STARD3: variants seen among roughly 807,000 people sequenced by gnomAD.
STARD3 encodes the protein stAR-related lipid transfer protein 3.
STARD3 carries 39 observed loss-of-function variants against 62.0 expected under a neutral mutation model. That is an observed-to-expected ratio of 0.63 (90% CI 0.49 to 0.82). The LOEUF (loss-of-function observed/expected upper bound fraction) is 0.82, where lower values mean the gene tolerates loss of function less well. Ranked by LOEUF, STARD3 falls within the 40% of genes least tolerant of loss-of-function variation. STARD3 has a pLI of 0.00. For missense variants in STARD3, 543 were observed against 584.5 expected (o/e 0.93, Z 0.73); for synonymous variants, 229 against 242.4 (o/e 0.94, Z 0.51).
chr17:39,647,995 G>C (rs1198435046), intron 1 of STARD3, among the ~76,000 whole-genome samples: 2 of 151,954 alleles, frequency 1.3e-5, no homozygotes, highest in Non-Finnish European at 2.9e-5. Flanking sequence ...TTAAAAATTA[G>C]CTGAGCATGG....
At chr17:39,648,856 G>A (rs974590245) in intron 1 of STARD3, among the ~76,000 whole-genome samples, 1 of 152,192 alleles carries the variant, frequency 6.6e-6, no homozygotes, top group South Asian at 2.1e-4. Context: ...TGTCAGTGTG[G>A]TTGCCACTCC....
chr17:39,654,069 G>A (rs1056187042), intron 2 of STARD3, among the ~76,000 whole-genome samples: 1 of 152,216 alleles, frequency 6.6e-6, no homozygotes, highest in African/African-American at 2.4e-5. Context: ...GAGAGGAGGA[G>A]GGGGAGACCC....
chr17:39,663,711 G>A lies in STARD3; in HGVS notation c.*803G>A, dbSNP rs1233325798. Among the ~76,000 whole-genome samples, 2 of 138,876 alleles carry A rather than the reference G, an allele frequency of 1.4e-5. No homozygotes were observed. Among genetic ancestry groups the A allele is most frequent in the Non-Finnish European group, 3.0e-5 (2 of 66,200 alleles). The allele number at this position is 138,876 out of a possible 152,430, so 91.1% of individuals were successfully genotyped here. On this transcript the variant is annotated 3_prime_UTR_variant, in exon 15 of 15. Coordinates refer to ENST00000336308, the MANE Select transcript of STARD3 (RefSeq NM_006804.4). ...ATGACTGGTCAGAAAAAAATGCCCC[G>A]CCCCCTGCCAGGCTTCAGCGGGGCA...
chr17:39,645,125 C>A (rs539718769), intron 1 of STARD3, among the ~76,000 whole-genome samples: 1 of 152,188 alleles, frequency 6.6e-6, no homozygotes, highest in Non-Finnish European at 1.5e-5. Context: ...CGATGCTGTT[C>A]CCTGGGTGGG....
chr17:39,640,534 G>A (rs933223742), intron 1 of STARD3, among the ~76,000 whole-genome samples: 1 of 138,136 alleles, frequency 7.2e-6, no homozygotes, highest in Non-Finnish European at 1.6e-5. Context: ...CTTGTCCCTT[G>A]CCCTATGGGG....
At chr17:39,658,085 A>T (rs1201702651) in intron 5 of STARD3, 59 bp downstream of exon 5, 1 of 1,508,360 alleles carries the variant, frequency 6.6e-7, no homozygotes, top group South Asian at 1.2e-5. Context: ...GTATGCTTCT[A>T]GAGAGGAGCA....
intron 1 of STARD3, among the ~76,000 whole-genome samples, chr17:39,641,498 A>G (rs1015735349): frequency 6.6e-6 from 1 of 151,496 alleles, no homozygotes; most frequent in African/African-American, 2.4e-5. Flanking sequence ...CCCTGAAGCC[A>G]GGGTCTACCC....
chr17:39,655,005 C>G (rs1357655815), intron 2 of STARD3, among the ~76,000 whole-genome samples: 3 of 152,170 alleles, frequency 2.0e-5, no homozygotes, highest in Non-Finnish European at 4.4e-5. Context: ...GCCATCTTAC[C>G]CATGAAAAAG....
chr17:39,645,187 C>T (rs1336588030), intron 1 of STARD3, among the ~76,000 whole-genome samples: 1 of 152,130 alleles, frequency 6.6e-6, no homozygotes, highest in Non-Finnish European at 1.5e-5. Flanking sequence ...AGAGATCAGC[C>T]CCTGCACTCC....
At chr17:39,656,853 C>A in intron 2 of STARD3, 155 bp from the exon 3 acceptor site, 1 of 666,268 alleles carries the variant, frequency 1.5e-6, no homozygotes, top group Non-Finnish European at 2.6e-6. Flanking sequence ...GCTGAGATCC[C>A]TTGGTGCTTC....
chr17:39,663,315 T>G lies in STARD3; in HGVS notation c.*407T>G. 2.8e-6 allele frequency: 1 copy of G among 358,688 alleles called. No homozygotes were observed. The allele number at this position is 358,688 out of a possible 1,614,324, so 22.2% of individuals were successfully genotyped here. On this transcript the variant is annotated 3_prime_UTR_variant, in exon 15 of 15. Transcript: ENST00000336308. ...CTGCCTGCGCTCTCGTCGGTTTTTTTAGGATTATTGAAAGAGTCTGGGACC... is the reference window on the plus strand; with the variant it reads ...CTGCCTGCGCTCTCGTCGGTTTTTTGAGGATTATTGAAAGAGTCTGGGACC...
chr17:39,657,172 A>G (rs1186208630), intron 3 of STARD3, 87 bp downstream of exon 3: 4 of 1,312,824 alleles, frequency 3.0e-6, no homozygotes, highest in African/African-American at 2.9e-5. Flanking sequence ...TTGGCAGCAT[A>G]TATCCAGTCT....
chr17:39,656,925 AC>A, intron 2 of STARD3, 82 bp from the exon 3 acceptor site: 3 of 1,388,754 alleles, frequency 2.2e-6, no homozygotes, highest in Non-Finnish European at 3.1e-6. Flanking sequence ...TCCATCCCCT[AC>A]CTCTTGCCCC....
At chr17:39,659,766 T>G in intron 9 of STARD3, 1 of 515,250 alleles carries the variant, frequency 1.9e-6, no homozygotes, top group Non-Finnish European at 3.5e-6. Context: ...CCCCCCATGT[T>G]TACTTCCCTG....
intron 14 of STARD3, 61 bp from the exon 15 acceptor site, chr17:39,662,743 G>T: frequency 6.7e-7 from 1 of 1,488,810 alleles, no homozygotes; most frequent in Non-Finnish European, 9.1e-7. Flanking sequence ...GGTGCCAGCT[G>T]CAAGGGGAGA....
At chr17:39,662,368 G>A in intron 14 of STARD3, 24 bp downstream of exon 14, 2 of 1,608,036 alleles carry the variant, frequency 1.2e-6, no homozygotes, top group African/African-American at 1.3e-5. Flanking sequence ...GGGCTGCCAG[G>A]TGGGTTCTGT....
At chr17:39,658,329 A>G (rs1326454230) in intron 5 of STARD3, 76 bp from the exon 6 acceptor site, 3 of 1,383,718 alleles carry the variant, frequency 2.2e-6, no homozygotes, top group South Asian at 1.2e-5. Context: ...TTGGCTGGCT[A>G]GAGTTGGTAG....
intron 8 of STARD3, 74 bp downstream of exon 8, chr17:39,659,180 G>C (rs1023450983): frequency 7.6e-6 from 12 of 1,570,454 alleles, no homozygotes; most frequent in Non-Finnish European, 9.6e-6. Flanking sequence ...GGGGTCAGCC[G>C]GGGTGGGCAG....
In STARD3 at chr17:39,663,038, C is replaced by A; in HGVS notation, c.*130C>A. On this transcript the variant is annotated 3_prime_UTR_variant, in exon 15 of 15. Transcript: ENST00000336308. ...GGCTGTCACCCTCCACCGAGCCACG[C>A]AGTGCCTGGAGTTGACTGACTGAGC... is the stretch of plus-strand genomic sequence containing the variant. 2.1e-6 allele frequency: 2 copies of A among 949,594 alleles called. No homozygotes were observed. Among genetic ancestry groups the A allele is most frequent in the Non-Finnish European group, 1.5e-6 (1 of 654,074 alleles). The allele number at this position is 949,594 out of a possible 1,614,324, so 58.8% of individuals were successfully genotyped here.
Sources: allele counts gnomAD v4.1 joint callset (sites outside exome capture counted in the v4.1 genomes callset), GRCh38; gene constraint gnomAD v4.1.1; transcripts MANE v1.5; gene names NCBI Gene and HGNC (gene_info 2026-07-23, HGNC 2026-07-21).